CDH11: variants seen among roughly 807,000 people sequenced by gnomAD.
CDH11 encodes the protein cadherin-11.
In CDH11, 11 loss-of-function variants were observed where a neutral mutation model predicts 67.8. That is an observed-to-expected ratio of 0.16 (90% confidence interval 0.10 to 0.27). CDH11 has a LOEUF of 0.27. Among genes scored for constraint, CDH11 ranks in the 10% least tolerant of loss-of-function variants. The probability of loss-of-function intolerance (pLI) is 1.00; values close to 1 mark genes in which losing one functional copy is unlikely to be tolerated. For synonymous variants in CDH11, 419 were observed against 400.0 expected (o/e 1.05, Z -0.57); for missense variants, 847 against 1,031.2 (o/e 0.82, Z 2.45).
rs141363442 is a variant in CDH11 at position 64,958,435 on chromosome 16, C to A, written c.1643-7417G>T. Among the ~76,000 whole-genome samples the A allele has an allele frequency of 3.9e-5, 6 of 152,214 alleles. No individual in the cohort carries two copies. In the East Asian group the frequency reaches 9.6e-4, roughly 24 times the overall value. On this transcript the variant is annotated intron_variant, in intron 11 of 12. Transcript: ENST00000268603. ...ATTATTTAAATTGAAGCAAATTTAACTAAGCAACATTGATTGAACTGCTAA... is the reference window on the plus strand; with the variant it reads ...ATTATTTAAATTGAAGCAAATTTAAATAAGCAACATTGATTGAACTGCTAA...
At chr16:65,082,809 C>T (rs1323033191) in intron 1 of CDH11, among the ~76,000 whole-genome samples, 1 of 152,122 alleles carries the variant, frequency 6.6e-6, no homozygotes, top group African/African-American at 2.4e-5. Flanking sequence ...ATTTTCTTTA[C>T]CTATTTTGAT....
chr16:64,984,174 T>C (rs1489343430), intron 7 of CDH11, among the ~76,000 whole-genome samples: 2 of 152,284 alleles, frequency 1.3e-5, no homozygotes, highest in African/African-American at 4.8e-5. Context: ...CCAGATAGAT[T>C]TGTGTGGCCC....
chr16:65,067,955 G>A (rs369905373), intron 1 of CDH11, among the ~76,000 whole-genome samples: 3 of 123,090 alleles, frequency 2.4e-5, no homozygotes, highest in South Asian at 6.5e-4. Context: ...AGGGAGGGAG[G>A]AAGGAAGGGA....
At chr16:64,962,055 A>T (rs890297257) in intron 11 of CDH11, among the ~76,000 whole-genome samples, 1 of 152,176 alleles carries the variant, frequency 6.6e-6, no homozygotes, top group Non-Finnish European at 1.5e-5. Context: ...GAAAAGTGTA[A>T]ATCTATGCAA....
Position 65,065,588 on chromosome 16 carries a change from T to C in CDH11, c.-297-11660A>G, listed in dbSNP as rs184749450. ...CCAGCATACTATTTATCCCATTGGTTCCCACAGAGACAACCCTGTGCAAGA... is the reference window on the plus strand; with the variant it reads ...CCAGCATACTATTTATCCCATTGGTCCCCACAGAGACAACCCTGTGCAAGA... On this transcript the variant is annotated intron_variant, in intron 1 of 12. Transcript: ENST00000268603. Among the ~76,000 whole-genome samples the C allele has an allele frequency of 2.6e-5, 4 of 152,286 alleles. No individual in the cohort carries two copies. The East Asian group carries it at 7.7e-4, about 29-fold the overall frequency.
rs147179722 is a variant in CDH11 at position 64,946,501 on chromosome 16, C to T, written c.*1102G>A. Reference sequence around the variant, plus strand: ...CACATATTGCAAAGTCATAGACTGACCTAGTTCTTTCACATCCTTCTTTTT... The same window carrying T: ...CACATATTGCAAAGTCATAGACTGATCTAGTTCTTTCACATCCTTCTTTTT... On this transcript the variant is annotated 3_prime_UTR_variant, in exon 13 of 13. Coordinates refer to ENST00000268603, the MANE Select transcript of CDH11 (RefSeq NM_001797.4). 1.6e-5 allele frequency: 17 copies of T among 1,030,966 alleles called. No individual in the cohort carries two copies. The East Asian group carries it at 9.2e-4, about 56-fold the overall frequency. The allele number at this position is 1,030,966 out of a possible 1,614,324, so 63.9% of individuals were successfully genotyped here. A position where few individuals can be genotyped will look rare whatever the true frequency, so the allele number is the denominator to read the frequency against.
Position 64,947,274 on chromosome 16 carries a change from C to A in CDH11, c.*329G>T. The A allele has an allele frequency of 9.0e-7, 1 of 1,114,818 alleles. No homozygotes were observed. Among genetic ancestry groups the A allele is most frequent in the Non-Finnish European group, 1.1e-6 (1 of 909,584 alleles). The allele number at this position is 1,114,818 out of a possible 1,614,324, so 69.1% of individuals were successfully genotyped here. ...TTGACAACTTAAAAAAGAAGAAAGA[C>A]TTGGATGTTCATAACACATAAACAA... is the stretch of plus-strand genomic sequence containing the variant. On this transcript the variant is annotated 3_prime_UTR_variant, in exon 13 of 13. Coordinates refer to ENST00000268603, the MANE Select transcript of CDH11 (RefSeq NM_001797.4).
At chr16:64,993,911 C>T (rs1365724334) in intron 4 of CDH11, among the ~76,000 whole-genome samples, 1 of 152,142 alleles carries the variant, frequency 6.6e-6, no homozygotes, top group Non-Finnish European at 1.5e-5. Flanking sequence ...CATTCCTCTG[C>T]TGGGCATTTT....
chr16:65,026,274 T>C (rs921471739), intron 2 of CDH11, among the ~76,000 whole-genome samples: 13 of 152,166 alleles, frequency 8.5e-5, no homozygotes, highest in African/African-American at 2.9e-4. Flanking sequence ...TGCAGCATCT[T>C]GATGAGGTGG....
intron 11 of CDH11, among the ~76,000 whole-genome samples, chr16:64,962,151 C>T (rs1364003126): frequency 6.6e-6 from 1 of 152,044 alleles, no homozygotes; most frequent in Non-Finnish European, 1.5e-5. Flanking sequence ...CCAGGAAAAT[C>T]AGGTAAGTTA....
intron 1 of CDH11, among the ~76,000 whole-genome samples, chr16:65,100,737 C>CAAAAA (rs34745214): frequency 2.1e-5 from 2 of 93,034 alleles, no homozygotes; most frequent in Non-Finnish European, 4.2e-5. Flanking sequence ...GACTCTGTCT[C>CAAAAA]AAAAAAAAAA....
chr16:65,100,277 T>C (rs2074967468), intron 1 of CDH11, among the ~76,000 whole-genome samples: 2 of 152,058 alleles, frequency 1.3e-5, no homozygotes, highest in Admixed American at 1.3e-4. Context: ...GGATGTTGAA[T>C]ACTGCCATGA....
intron 2 of CDH11, among the ~76,000 whole-genome samples, chr16:65,048,532 C>CGTGTGT (rs144059846): frequency 3.3e-5 from 5 of 150,544 alleles, no homozygotes; most frequent in African/African-American, 1.2e-4. Flanking sequence ...GAAAATGTGG[C>CGTGTGT]GTGTGTGTGT....
chr16:65,034,962 T>G (rs1334195055), intron 2 of CDH11, among the ~76,000 whole-genome samples: 1 of 151,946 alleles, frequency 6.6e-6, no homozygotes, highest in East Asian at 1.9e-4. Context: ...GACCCTCGAG[T>G]TATCAAGAGG....
At chr16:65,096,681 T>C (rs988252260) in intron 1 of CDH11, among the ~76,000 whole-genome samples, 1 of 149,196 alleles carries the variant, frequency 6.7e-6, no homozygotes, top group Non-Finnish European at 1.5e-5. Flanking sequence ...CAGTTTGATA[T>C]ATACAAATAT....
At chr16:65,014,515 C>G (rs1384763781) in intron 2 of CDH11, among the ~76,000 whole-genome samples, 1 of 152,158 alleles carries the variant, frequency 6.6e-6, no homozygotes, top group South Asian at 2.1e-4. Context: ...ATTGCAAGAG[C>G]TTACTGGCCA....
At chr16:64,998,382 A>T (rs1211911155) in intron 4 of CDH11, among the ~76,000 whole-genome samples, 180 bp downstream of exon 4, 2 of 152,238 alleles carry the variant, frequency 1.3e-5, no homozygotes, top group African/African-American at 4.8e-5. Context: ...TATTCCTACA[A>T]GACTAGAAAT....
At chr16:64,992,771 A>G (rs1165269351) in intron 5 of CDH11, 144 bp downstream of exon 5, 1 of 626,306 alleles carries the variant, frequency 1.6e-6, no homozygotes, top group Non-Finnish European at 2.6e-6. Context: ...CAGGCCAAGT[A>G]TCTAATCCTC....
At chr16:65,003,395 T>G (rs988407570) in intron 3 of CDH11, among the ~76,000 whole-genome samples, 5 of 151,996 alleles carry the variant, frequency 3.3e-5, no homozygotes, top group Admixed American at 6.6e-5. Flanking sequence ...TAGTTGGGAT[T>G]ACAGGCACTC....
Sources: gnomAD v4.1 joint callset for allele counts (sites outside exome capture counted in the v4.1 genomes callset) on GRCh38, gnomAD v4.1.1 for gene constraint, MANE v1.5 for transcripts, NCBI Gene and HGNC (gene_info 2026-07-23, HGNC 2026-07-21) for gene names.